The following ANKS1A variants were observed in gnomAD, a reference collection of about 807,000 sequenced individuals.
The protein encoded by ANKS1A is ankyrin repeat and sterile alpha motif domain containing 1A.
In ANKS1A, 55 loss-of-function variants were observed where a neutral mutation model predicts 120.3. The ratio of observed to expected loss-of-function variants is 0.46; its 90% CI spans 0.37 to 0.57. ANKS1A has a LOEUF of 0.57. Among genes scored for constraint, ANKS1A ranks in the 20% least tolerant of loss-of-function variants. ANKS1A has a pLI of 0.00. For missense variants in ANKS1A, 1,123 were observed against 1,480.3 expected, an observed-to-expected ratio of 0.76 and a Z score of 3.96; for synonymous variants, 590 against 604.7, an observed-to-expected ratio of 0.98 and a Z score of 0.36.
intron 13 of ANKS1A, among the ~76,000 whole-genome samples, chr6:35,071,271 C>T (rs959884653): frequency 8.5e-5 from 13 of 152,132 alleles, no homozygotes; most frequent in East Asian, 1.9e-4. Context: ...GAAGGGAATC[C>T]TCTATAGAAT....
intron 13 of ANKS1A, among the ~76,000 whole-genome samples, chr6:35,065,859 C>T (rs1475203759): frequency 6.6e-6 from 1 of 152,232 alleles, no homozygotes; most frequent in African/African-American, 2.4e-5. Context: ...CTCAGGCCCC[C>T]CAGGTTCTTC....
At chr6:35,065,239 G>A (rs1261148562) in intron 13 of ANKS1A, among the ~76,000 whole-genome samples, 4 of 151,902 alleles carry the variant, frequency 2.6e-5, no homozygotes, top group Admixed American at 6.6e-5. Flanking sequence ...TGACTGCAGC[G>A]CAGGCATTCC....
chr6:35,096,545 T>C, the ANKS1A span, among the ~76,000 whole-genome samples: 2 of 152,350 alleles, frequency 1.3e-5, no homozygotes, highest in Non-Finnish European at 2.9e-5. Context: ...TGCGTGTCTG[T>C]AAATGATTTG....
rs1488154432 is a variant in ANKS1A, at chr6:35,057,958, C to T, written c.2078-2189C>T. ...ATTCTTCCTGACAAGCTGTTTCCAG[C>T]CCCTGGAGCTAGAGGTAAAGTTTCA... is the stretch of plus-strand genomic sequence containing the variant. On this transcript the variant is annotated intron_variant, in intron 12 of 23. Transcript: ENST00000360359. The surrounding 1 kb of genome is among the most constrained non-coding windows in gnomAD (Gnocchi z 4.1). 6.6e-6 allele frequency among the ~76,000 whole-genome samples: 1 copy of T among 152,192 alleles called. No individual in the cohort carries two copies. Among genetic ancestry groups the T allele is most frequent in the Non-Finnish European group, 1.5e-5 (1 of 68,044 alleles).
intron 1 of ANKS1A, among the ~76,000 whole-genome samples, 167 bp from the exon 2 acceptor site, chr6:34,967,072 A>G (rs529100032): frequency 6.6e-6 from 1 of 152,176 alleles, no homozygotes; most frequent in Non-Finnish European, 1.5e-5. Context: ...AGTGCTATGC[A>G]TCTCTGCAGT....
intron 8 of ANKS1A, among the ~76,000 whole-genome samples, chr6:34,987,424 T>C (rs924411514): frequency 7.2e-5 from 11 of 152,244 alleles, no homozygotes; most frequent in African/African-American, 2.6e-4. Flanking sequence ...TTTCCCTCAG[T>C]TACTTGATGT....
At chr6:34,997,387 G>A (rs944121378) in intron 10 of ANKS1A, among the ~76,000 whole-genome samples, 1 of 151,876 alleles carries the variant, frequency 6.6e-6, no homozygotes, top group African/African-American at 2.4e-5. Flanking sequence ...GTAGAGATGG[G>A]GTTTTGCCGT....
chr6:35,007,537 G>C (rs1175566780), intron 10 of ANKS1A, among the ~76,000 whole-genome samples: 1 of 152,156 alleles, frequency 6.6e-6, no homozygotes, highest in Non-Finnish European at 1.5e-5. Flanking sequence ...TTGCTCGCTG[G>C]ATGTTCTGGA....
intron 1 of ANKS1A, among the ~76,000 whole-genome samples, chr6:34,943,387 A>G (rs750481130): frequency 6.6e-6 from 1 of 152,278 alleles, no homozygotes; most frequent in Non-Finnish European, 1.5e-5. Flanking sequence ...AACATCTTTA[A>G]TGTGTGGTAC....
chr6:34,938,017 C>T (rs1769344614), intron 1 of ANKS1A, among the ~76,000 whole-genome samples: 1 of 152,174 alleles, frequency 6.6e-6, no homozygotes, highest in Non-Finnish European at 1.5e-5. Context: ...CTGTAGTGAC[C>T]TCTCTTCCAC....
chr6:34,906,658 T>C (rs1354172397), intron 1 of ANKS1A, among the ~76,000 whole-genome samples: 2 of 152,156 alleles, frequency 1.3e-5, no homozygotes, highest in African/African-American at 4.8e-5. Flanking sequence ...TAGTAATAAT[T>C]GCTGCAGGCA....
chr6:34,953,884 C>T (rs1163930246), intron 1 of ANKS1A, among the ~76,000 whole-genome samples: 2 of 152,052 alleles, frequency 1.3e-5, no homozygotes, highest in African/African-American at 4.8e-5. Context: ...ACTCTGGAGG[C>T]CATTTTCATA....
rs1002351221 is a variant in ANKS1A at position 34,960,091 on chromosome 6, C to T, written c.198-7148C>T. On this transcript the variant is annotated intron_variant, in intron 1 of 23. Coordinates refer to ENST00000360359, the MANE Select transcript of ANKS1A (RefSeq NM_015245.3). ...CGGAGCTCCCTGCTACTCCCCTCTC[C>T]AGCCACAGGTCAGGCACGCTCCTTC... Among the ~76,000 whole-genome samples the T allele has an allele frequency of 3.9e-5, 6 of 152,302 alleles. No individual in the cohort carries two copies. In the East Asian group the frequency reaches 1.2e-3, roughly 29 times the overall value.
chr6:34,963,292 A>G (rs1358262633), intron 1 of ANKS1A, among the ~76,000 whole-genome samples: 2 of 152,140 alleles, frequency 1.3e-5, no homozygotes, highest in Non-Finnish European at 2.9e-5. Context: ...CACCCCCTCC[A>G]GCTCCTGGTA....
At position 35,083,608 on chromosome 6, in the gene ANKS1A, TC is replaced by T. The variant is rs1375815292; in HGVS notation, c.2994+108del. 9.4e-6 allele frequency: 10 copies of T among 1,062,136 alleles called. No individual in the cohort carries two copies. The East Asian group carries it at 1.9e-4, about 20-fold the overall frequency. 65.8% of individuals were successfully genotyped at this position (1,062,136 alleles called of 1,614,324 possible). ...CGGCTGCCCTGTCTCATCTCTTATCTCCCTAGAGGGTCCCCAGTCCTCTTAT... is the reference window on the plus strand; with the variant it reads ...CGGCTGCCCTGTCTCATCTCTTATCTCCTAGAGGGTCCCCAGTCCTCTTAT... On this transcript the variant is annotated intron_variant, in intron 20 of 23. Coordinates refer to ENST00000360359, the MANE Select transcript of ANKS1A (RefSeq NM_015245.3).
In ANKS1A at chr6:34,893,332, C is replaced by T. The variant is rs759969291; in HGVS notation, c.197+3733C>T. Among the ~76,000 whole-genome samples the T allele has an allele frequency of 1.5e-3, 230 of 151,998 alleles. 2 individuals carry two copies. The highest frequency in any genetic ancestry group is 3.2e-3 in the Admixed American group (49 of 15,252). On this transcript the variant is annotated intron_variant, in intron 1 of 23. Coordinates refer to ENST00000360359, the MANE Select transcript of ANKS1A (RefSeq NM_015245.3). ...TTTTTATTTTTGTAGAGATCGTGTCCCACTATGTTGCCCAGGCTAGTCTCA... is the reference window on the plus strand; with the variant it reads ...TTTTTATTTTTGTAGAGATCGTGTCTCACTATGTTGCCCAGGCTAGTCTCA...
chr6:34,920,076 GT>G (rs1299334242), intron 1 of ANKS1A, among the ~76,000 whole-genome samples: 3 of 152,034 alleles, frequency 2.0e-5, no homozygotes, highest in Admixed American at 2.0e-4. Context: ...GTTGTTGTTA[GT>G]TTTTGTTTTT....
chr6:35,020,180 T>C (rs1281731445), intron 11 of ANKS1A, among the ~76,000 whole-genome samples: 1 of 152,190 alleles, frequency 6.6e-6, no homozygotes, highest in Non-Finnish European at 1.5e-5. Context: ...TCCATATCCA[T>C]GGTTTTCTGC....
Position 34,920,390 on chromosome 6 carries a change from A to T in ANKS1A, c.197+30791A>T, listed in dbSNP as rs1768374489. ...ACCACCATGCCAGGCTAATTTTTAAATTTTTTGTAGAGATGGGGGTCTTGC... is the reference window on the plus strand; with the variant it reads ...ACCACCATGCCAGGCTAATTTTTAATTTTTTTGTAGAGATGGGGGTCTTGC... On this transcript the variant is annotated intron_variant, in intron 1 of 23. Transcript: ENST00000360359. Among the ~76,000 whole-genome samples, 5 of 151,218 alleles carry T rather than the reference A, an allele frequency of 3.3e-5. No homozygotes were observed. The South Asian group carries it at 1.0e-3, about 32-fold the overall frequency.
Sources: allele counts gnomAD v4.1 joint callset (sites outside exome capture counted in the v4.1 genomes callset), GRCh38; gene constraint gnomAD v4.1.1; non-coding constraint Gnocchi (gnomAD v3.1); transcripts MANE v1.5; gene names NCBI Gene and HGNC (gene_info 2026-07-23, HGNC 2026-07-21).